The following LINGO2 variants were observed in gnomAD, a reference collection of about 807,000 sequenced individuals.
LINGO2 encodes leucine rich repeat and Ig domain containing 2, also known as leucine-rich repeat and immunoglobulin-like domain-containing nogo receptor-interacting protein 2.
LINGO2 carries 14 observed loss-of-function variants against 30.6 expected under a neutral mutation model. The ratio of observed to expected loss-of-function variants is 0.46; its 90% confidence interval spans 0.30 to 0.72. The LOEUF is 0.72. LINGO2 is among the 30% of genes least tolerant of loss of function. The probability of loss-of-function intolerance (pLI) is 0.07; values close to 1 mark genes in which losing one functional copy is unlikely to be tolerated. For synonymous variants in LINGO2, 317 were observed against 288.5 expected (o/e 1.10, Z -1.00); for missense variants, 729 against 751.7 (o/e 0.97, Z 0.35).
chr9:28,574,465 T>C (rs1485132071), intron 1 of LINGO2, among the ~76,000 whole-genome samples: 2 of 152,196 alleles, frequency 1.3e-5, no homozygotes. Context: ...AGATCTAATG[T>C]TGTCTATGAC....
At chr9:28,727,275 GCTTAAAAATC>G in the LINGO2 span, among the ~76,000 whole-genome samples, 5 of 151,806 alleles carry the variant, frequency 3.3e-5, no homozygotes, top group Non-Finnish European at 7.4e-5. Flanking sequence ...TGAAGAGTTA[GCTTAAAAATC>G]CTTCTTTTTT....
chr9:28,957,244 C>G, the LINGO2 span, among the ~76,000 whole-genome samples: 1 of 151,528 alleles, frequency 6.6e-6, no homozygotes, highest in Non-Finnish European at 1.5e-5. Flanking sequence ...ATTTTTAGGT[C>G]AATGAGCACA....
At chr9:29,026,864 A>C in the LINGO2 span, among the ~76,000 whole-genome samples, 114 of 152,282 alleles carry the variant, frequency 7.5e-4, no homozygotes, top group Non-Finnish European at 1.3e-3. Context: ...TTCTATAATA[A>C]ATCAACCAAA....
At chr9:28,731,607 G>A in the LINGO2 span, among the ~76,000 whole-genome samples, 2 of 152,068 alleles carry the variant, frequency 1.3e-5, no homozygotes, top group African/African-American at 4.8e-5. Context: ...TGAGGGACAC[G>A]GGCTACTTGG....
chr9:29,146,290 C>T, the LINGO2 span, among the ~76,000 whole-genome samples: 47 of 151,930 alleles, frequency 3.1e-4, no homozygotes, highest in South Asian at 4.6e-3. Context: ...AGGAGGCAGA[C>T]GTTGCAGTGA....
chr9:28,706,421 T>C, the LINGO2 span, among the ~76,000 whole-genome samples: 1 of 152,140 alleles, frequency 6.6e-6, no homozygotes, highest in Admixed American at 6.6e-5. Flanking sequence ...AATGAAGGAA[T>C]AGAATATTTT....
chr9:28,149,656 C>T (rs1246760697), intron 4 of LINGO2, among the ~76,000 whole-genome samples: 2 of 151,044 alleles, frequency 1.3e-5, no homozygotes, highest in African/African-American at 4.9e-5. Context: ...AGGAGTGCCT[C>T]TGCCCGGCCC....
intron 2 of LINGO2, among the ~76,000 whole-genome samples, chr9:28,389,335 T>C (rs1821730528): frequency 6.6e-6 from 1 of 152,152 alleles, no homozygotes; most frequent in African/African-American, 2.4e-5. Flanking sequence ...AGAAAGATAA[T>C]GTTTGTCTTC....
intron 2 of LINGO2, among the ~76,000 whole-genome samples, chr9:28,440,795 G>A (rs1048147785): frequency 3.9e-5 from 6 of 152,042 alleles, no homozygotes; most frequent in African/African-American, 1.4e-4. Context: ...TGATTAACAA[G>A]AATATTTTAT....
rs528116063 is a variant in LINGO2 at position 28,355,191 on chromosome 9, C to T, written c.-246+17645G>A. ...AACCATCTATTTTTTTTCTTCATTG[C>T]CCCAGGTTGTATTATAAATCTCAAA... On this transcript the variant is annotated intron_variant, in intron 3 of 5. Coordinates refer to ENST00000379992, the Ensembl canonical transcript of LINGO2. Among the ~76,000 whole-genome samples the T allele has an allele frequency of 2.6e-5, 4 of 151,934 alleles. 1 individual carries two copies. The South Asian group carries it at 6.2e-4, about 24-fold the overall frequency.
the LINGO2 span, among the ~76,000 whole-genome samples, chr9:28,680,049 G>T: frequency 6.6e-6 from 1 of 151,696 alleles, no homozygotes; most frequent in Admixed American, 6.6e-5. Flanking sequence ...ATTGACTATG[G>T]TCATCACATT....
chr9:27,990,465 C>CCG (rs1554650638), intron 5 of LINGO2, among the ~76,000 whole-genome samples: 3 of 116,204 alleles, frequency 2.6e-5, no homozygotes, highest in Non-Finnish European at 5.9e-5. Context: ...TCTCAATACC[C>CCG]CCCCCCCTTT....
chr9:27,959,420 T>C (rs934070946), intron 5 of LINGO2, among the ~76,000 whole-genome samples: 6 of 152,174 alleles, frequency 3.9e-5, no homozygotes, highest in African/African-American at 1.4e-4. Flanking sequence ...TTCTACATGC[T>C]TTAGCTACAT....
At chr9:29,202,354 G>A in the LINGO2 span, among the ~76,000 whole-genome samples, 3 of 151,866 alleles carry the variant, frequency 2.0e-5, no homozygotes, top group South Asian at 4.1e-4. Context: ...GAATCCCAAC[G>A]TGCAAAGCCA....
At chr9:28,850,388 C>T in the LINGO2 span, among the ~76,000 whole-genome samples, 2 of 151,876 alleles carry the variant, frequency 1.3e-5, no homozygotes, top group Admixed American at 1.3e-4. Context: ...GGGGCTTGCA[C>T]CCTGTGATAG....
At chr9:27,957,551 C>A (rs1217474644) in intron 5 of LINGO2, among the ~76,000 whole-genome samples, 2 of 152,144 alleles carry the variant, frequency 1.3e-5, no homozygotes, top group South Asian at 4.1e-4. Context: ...CTTGGCCTCC[C>A]CAAAGTGCTG....
At chr9:28,608,123 C>T (rs1825768081) in intron 1 of LINGO2, among the ~76,000 whole-genome samples, 2 of 149,698 alleles carry the variant, frequency 1.3e-5, no homozygotes, top group Non-Finnish European at 3.0e-5. Context: ...TCACAGATTA[C>T]ACTTTTTAAT....
chr9:28,309,549 T>A (rs1473702852), intron 3 of LINGO2, among the ~76,000 whole-genome samples: 2 of 151,696 alleles, frequency 1.3e-5, no homozygotes, highest in Non-Finnish European at 2.9e-5. Context: ...AACCTGCATG[T>A]TGTGCACATG....
At chr9:28,575,525 CAT>C (rs1210394069) in intron 1 of LINGO2, among the ~76,000 whole-genome samples, 13 of 151,898 alleles carry the variant, frequency 8.6e-5, no homozygotes, top group African/African-American at 3.1e-4. Context: ...TACACACAGA[CAT>C]AGACACTGGG....
Sources: gnomAD v4.1 joint callset for allele counts (sites outside exome capture counted in the v4.1 genomes callset) on GRCh38, gnomAD v4.1.1 for gene constraint, MANE v1.5 for transcripts, NCBI Gene and HGNC (gene_info 2026-07-23, HGNC 2026-07-21) for gene names.